MCM9: variants seen among roughly 807,000 people sequenced by gnomAD.
MCM9 encodes minichromosome maintenance 9 homologous recombination repair factor, also known as DNA helicase MCM9.
In MCM9, 55 loss-of-function variants were observed where a neutral mutation model predicts 72.8. The observed-to-expected ratio is 0.76, with a 90% CI of 0.61 to 0.95. The LOEUF (loss-of-function observed/expected upper bound fraction) is 0.95, where lower values mean the gene tolerates loss of function less well. Among genes scored for constraint, MCM9 ranks in the 40% least tolerant of loss-of-function variants. The probability of loss-of-function intolerance (pLI) is 0.00; values close to 1 mark genes in which losing one functional copy is unlikely to be tolerated. For missense variants in MCM9, 1,279 were observed against 1,377.0 expected (o/e 0.93, Z 1.13); for synonymous variants, 480 against 503.4 (o/e 0.95, Z 0.62).
chr6:118,821,185 T>C (rs1773780788), intron 13 of MCM9, among the ~76,000 whole-genome samples: 1 of 152,196 alleles, frequency 6.6e-6, no homozygotes, highest in Non-Finnish European at 1.5e-5. Context: ...TCTGGTCAAT[T>C]TGCACATTAG....
At chr6:118,925,599 T>C (rs1197766140) in intron 3 of MCM9, among the ~76,000 whole-genome samples, 1 of 152,230 alleles carries the variant, frequency 6.6e-6, no homozygotes, top group African/African-American at 2.4e-5. Flanking sequence ...CTGTAGAGTG[T>C]ATAGACAAAC....
chr6:118,893,881 C>G (rs1779127773), intron 8 of MCM9: 1 of 305,460 alleles, frequency 3.3e-6, no homozygotes, highest in East Asian at 1.7e-4. Flanking sequence ...AACACCCACA[C>G]GAAGCCAACT....
chr6:118,843,694 A>ATATATGTG (rs1554257144), intron 9 of MCM9, among the ~76,000 whole-genome samples: 5 of 82,202 alleles, frequency 6.1e-5, no homozygotes, highest in Non-Finnish European at 1.2e-4. Context: ...ATGTGTATAT[A>ATATATGTG]TATATATATG....
chr6:118,894,108 C>G, intron 8 of MCM9: 5 of 1,156,812 alleles, frequency 4.3e-6, no homozygotes, highest in Non-Finnish European at 5.3e-6. Context: ...GGAGCGGGAG[C>G]CCATCTTGCT....
intron 8 of MCM9, among the ~76,000 whole-genome samples, chr6:118,902,100 T>G (rs564730139): frequency 6.6e-6 from 1 of 152,306 alleles, no homozygotes; most frequent in South Asian, 2.1e-4. Flanking sequence ...ATCAAATATA[T>G]GAATTAAAAG....
intron 8 of MCM9, among the ~76,000 whole-genome samples, chr6:118,896,327 C>G (rs923072351): frequency 6.6e-6 from 1 of 152,102 alleles, no homozygotes; most frequent in African/African-American, 2.4e-5. Flanking sequence ...TCGGTCCATT[C>G]CAACTTATAC....
chr6:118,886,948 G>C (rs1778645625), intron 8 of MCM9, among the ~76,000 whole-genome samples: 1 of 152,054 alleles, frequency 6.6e-6, no homozygotes. Flanking sequence ...CTAAAAAACA[G>C]AGCAAGATCC....
At chr6:118,881,717 C>A (rs1778298279) in intron 8 of MCM9, among the ~76,000 whole-genome samples, 2 of 152,164 alleles carry the variant, frequency 1.3e-5, no homozygotes, top group African/African-American at 4.8e-5. Flanking sequence ...GCAAGTATAA[C>A]TGGTGAAAAT....
rs558231355 is a variant in MCM9 at position 118,895,683 on chromosome 6, T to G, written c.1150+15967A>C. Among the ~76,000 whole-genome samples the G allele has an allele frequency of 3.9e-5, 6 of 152,348 alleles. No individual in the cohort carries two copies. The East Asian group carries it at 1.2e-3, about 29-fold the overall frequency. On this transcript the variant is annotated intron_variant, in intron 8 of 13. Transcript: ENST00000619706. Reference sequence around the variant, plus strand: ...AGAAAGCTAAAACGACAATTATCTTTGCTTTAATTATCTTTTACTAAAGTA... The same window carrying G: ...AGAAAGCTAAAACGACAATTATCTTGGCTTTAATTATCTTTTACTAAAGTA...
chr6:118,922,952 A>C (rs745348860), intron 4 of MCM9, among the ~76,000 whole-genome samples: 3 of 151,086 alleles, frequency 2.0e-5, no homozygotes, highest in Non-Finnish European at 2.9e-5. Context: ...GAAATGCTTG[A>C]ACCCAGGAGG....
intron 8 of MCM9, among the ~76,000 whole-genome samples, chr6:118,873,473 T>C (rs1261406298): frequency 6.6e-6 from 1 of 152,074 alleles, no homozygotes; most frequent in Non-Finnish European, 1.5e-5. Context: ...CCCACGAACA[T>C]TACAGCATAA....
At chr6:118,859,929 G>A (rs1268420400) in intron 8 of MCM9, among the ~76,000 whole-genome samples, 1 of 152,200 alleles carries the variant, frequency 6.6e-6, no homozygotes. Flanking sequence ...CACGTGTGAA[G>A]TTCACAGCCC....
rs760919548 is a variant in MCM9, at chr6:118,923,874, G to A, written c.558C>T (p.Leu186=). Residue 186 remains leucine (L), a synonymous_variant, in exon 4 of 14, where the codon CTC becomes CTT. Coordinates refer to ENST00000619706, the MANE Select transcript of MCM9 (RefSeq NM_017696.3). ...TGGTTGGAGACGAAGACAAGCCTGA[G>A]AGGCAAGTGAATTTAGAGGAATCAC... ...ESCDSSKFTC[L]SGLSSSPTRC... 39 of 1,614,190 alleles carry A rather than the reference G, an allele frequency of 2.4e-5. No homozygotes were observed. Among genetic ancestry groups the A allele is most frequent in the Non-Finnish European group, 3.3e-5 (39 of 1,180,034 alleles).
At chr6:118,931,882 A>T in intron 2 of MCM9, 144 bp from the exon 3 acceptor site, 1 of 661,262 alleles carries the variant, frequency 1.5e-6, no homozygotes, top group South Asian at 2.1e-5. Context: ...TCTTAATGAA[A>T]TCTGAATTAT....
rs531429099 is a variant in MCM9 at position 118,843,542 on chromosome 6, T to C, written c.1325+12829A>G. 2.0e-3 allele frequency among the ~76,000 whole-genome samples: 293 copies of C among 149,504 alleles called. 1 individual carries two copies. The highest frequency in any genetic ancestry group is 0.01 in the Middle Eastern group (3 of 294). On this transcript the variant is annotated intron_variant, in intron 9 of 13. Coordinates refer to ENST00000619706, the MANE Select transcript of MCM9 (RefSeq NM_017696.3). ...ACTCAGAAGGCTGAGACAGGAGACT[T>C]GCTTGAACCCGGGAGGTGGAGGTTG... is the stretch of plus-strand genomic sequence containing the variant.
chr6:118,843,670 GTA>G (rs1241155575), intron 9 of MCM9, among the ~76,000 whole-genome samples: 1,878 of 17,054 alleles, frequency 0.11, 92 homozygotes, highest in Middle Eastern at 0.27. Context: ...ATATATATAT[GTA>G]TGTATATATA....
At chr6:118,851,750 A>T (rs1254143101) in intron 9 of MCM9, among the ~76,000 whole-genome samples, 1 of 149,350 alleles carries the variant, frequency 6.7e-6, no homozygotes, top group Non-Finnish European at 1.5e-5. Context: ...AATTCTAGAT[A>T]GTGGCTAAGA....
intron 8 of MCM9, among the ~76,000 whole-genome samples, chr6:118,872,043 C>A (rs901946524): frequency 6.6e-6 from 1 of 151,886 alleles, no homozygotes; most frequent in Non-Finnish European, 1.5e-5. Flanking sequence ...AAAGGCCGGG[C>A]GCGGTGGCTC....
rs1399693062 is a variant in MCM9 at position 118,815,768 on chromosome 6, C to T, written c.2488G>A (p.Ala830Thr). The T allele has an allele frequency of 2.6e-6, 4 of 1,541,544 alleles. No individual in the cohort carries two copies. The East Asian group carries it at 7.3e-5, about 28-fold the overall frequency. The change falls in exon 14 of 14, where the codon GCA becomes ACA. Residue 830 changes from alanine to threonine, a missense_variant. Coordinates refer to ENST00000619706, the MANE Select transcript of MCM9 (RefSeq NM_017696.3). ...KKRLALDSEAAVSADKPDSVL... is the reference protein window; with the variant it reads ...KKRLALDSEATVSADKPDSVL... ...GAGTCTGGTTTATCAGCAGAGACTG[C>T]TGCTTCAGAATCTAGTGCTAGCCTT...
Sources: allele counts gnomAD v4.1 joint callset (sites outside exome capture counted in the v4.1 genomes callset), GRCh38; gene constraint gnomAD v4.1.1; transcripts MANE v1.5; gene names NCBI Gene and HGNC (gene_info 2026-07-23, HGNC 2026-07-21).